PDE3A: variants seen among roughly 807,000 people sequenced by gnomAD.
The protein encoded by PDE3A is cGMP-inhibited 3',5'-cyclic phosphodiesterase 3A.
Under a neutral mutation model 98.3 loss-of-function variants are expected in PDE3A, and 43 were observed. That is an observed-to-expected ratio of 0.44 (90% CI 0.34 to 0.56). PDE3A has a LOEUF of 0.56. Ranked by LOEUF, PDE3A falls within the 20% of genes least tolerant of loss-of-function variation. The pLI is 0.01. For missense variants in PDE3A, 1,427 were observed against 1,440.7 expected (o/e 0.99, Z 0.15); for synonymous variants, 663 against 567.9 (o/e 1.17, Z -2.38).
chr12:20,614,945 GT>G (rs1261146946), intron 3 of PDE3A, among the ~76,000 whole-genome samples: 2 of 149,600 alleles, frequency 1.3e-5, no homozygotes, highest in African/African-American at 4.9e-5. Context: ...TGTTATGACT[GT>G]TGCTGAAGTT....
At chr12:20,508,040 G>A (rs996195215) in intron 1 of PDE3A, among the ~76,000 whole-genome samples, 4 of 152,126 alleles carry the variant, frequency 2.6e-5, no homozygotes, top group Admixed American at 6.6e-5. Flanking sequence ...AGGCTCTTTT[G>A]TCTTTGTCAT....
chr12:20,451,171 G>A (rs985568281), intron 1 of PDE3A, among the ~76,000 whole-genome samples: 1 of 152,140 alleles, frequency 6.6e-6, no homozygotes, highest in Admixed American at 6.5e-5. Context: ...TAAAGTGTCA[G>A]GTATTTTAAG....
intron 1 of PDE3A, among the ~76,000 whole-genome samples, chr12:20,432,641 G>C (rs1388688077): frequency 1.3e-5 from 2 of 152,080 alleles, no homozygotes; most frequent in African/African-American, 2.4e-5. Context: ...AAAAGAGGAA[G>C]AGCTTCAATT....
rs1942229041 is a variant in PDE3A at position 20,552,204 on chromosome 12, G to T, written c.961-4456G>T. ...ATGACCAAGAAGGGGCCGAGGCCAA[G>T]GACTGGCGGTCGGGGAAGCCGGTCA... On this transcript the variant is annotated intron_variant, in intron 1 of 15. Transcript: ENST00000359062. The surrounding 1 kb of genome is among the most constrained non-coding windows in gnomAD (Gnocchi z 5.1). 6.2e-7 allele frequency: 1 copy of T among 1,613,830 alleles called. No individual in the cohort carries two copies. Among genetic ancestry groups the T allele is most frequent in the Non-Finnish European group, 8.5e-7 (1 of 1,179,896 alleles).
At chr12:20,403,577 G>C (rs1211099470) in intron 1 of PDE3A, among the ~76,000 whole-genome samples, 1 of 152,072 alleles carries the variant, frequency 6.6e-6, no homozygotes, top group Admixed American at 6.6e-5. Flanking sequence ...ATTTACAATT[G>C]TATTATGAAT....
At chr12:20,557,732 A>AT (rs1347494421) in intron 2 of PDE3A, among the ~76,000 whole-genome samples, 1 of 152,164 alleles carries the variant, frequency 6.6e-6, no homozygotes, top group East Asian at 1.9e-4. Flanking sequence ...TTAATGACTG[A>AT]TTTTATTTCT....
intron 2 of PDE3A, among the ~76,000 whole-genome samples, chr12:20,560,564 G>A (rs1329758898): frequency 6.6e-6 from 1 of 152,206 alleles, no homozygotes; most frequent in African/African-American, 2.4e-5. Flanking sequence ...GATACCAGAA[G>A]AGTCTCTTGG....
chr12:20,421,960 T>C (rs1311354384), intron 1 of PDE3A, among the ~76,000 whole-genome samples: 1 of 152,196 alleles, frequency 6.6e-6, no homozygotes, highest in Admixed American at 6.5e-5. Flanking sequence ...GTTTTATGAA[T>C]ATAATAGTAT....
intron 1 of PDE3A, among the ~76,000 whole-genome samples, chr12:20,507,036 G>A (rs192527665): frequency 2.0e-5 from 3 of 152,112 alleles, no homozygotes; most frequent in African/African-American, 7.2e-5. Context: ...ATTAAATTTA[G>A]TTTTAAACTT....
chr12:20,572,195 T>G (rs948698913), intron 2 of PDE3A: 4 of 1,093,864 alleles, frequency 3.7e-6, no homozygotes, highest in Non-Finnish European at 4.9e-6. Flanking sequence ...TTTTGTTCTA[T>G]AATGATTTTC....
Position 20,370,061 on chromosome 12 carries a change from G to C in PDE3A, c.777G>C (p.Leu259Phe). Residue 259 changes from leucine to phenylalanine, a missense_variant, in exon 1 of 16, where the codon TTG (leucine) becomes TTC (phenylalanine). Physicochemically the swap from Leu to Phe is conservative, Grantham distance 22. Transcript: ENST00000359062. ...ILLARYVEQILPQSAEAAPRE... is the reference protein window; with the variant it reads ...ILLARYVEQIFPQSAEAAPRE... ...TGGCCAGGTACGTGGAACAAATCTT[G>C]CCGCAGTCCGCGGAGGCGGCTCCAA... The C allele has an allele frequency of 6.2e-7, 1 of 1,612,748 alleles. No homozygotes were observed. Among genetic ancestry groups the C allele is most frequent in the Admixed American group, 1.7e-5 (1 of 60,004 alleles).
At chr12:20,529,994 A>T (rs936636969) in intron 1 of PDE3A, among the ~76,000 whole-genome samples, 2 of 152,176 alleles carry the variant, frequency 1.3e-5, no homozygotes, top group African/African-American at 2.4e-5. Context: ...ACAAATTGTT[A>T]TGAGGACTAT....
At chr12:20,381,736 C>T (rs1379712229) in intron 1 of PDE3A, among the ~76,000 whole-genome samples, 2 of 151,828 alleles carry the variant, frequency 1.3e-5, no homozygotes, top group Admixed American at 1.3e-4. Flanking sequence ...ACTTTTACCT[C>T]TTATATGACC....
rs1945745871 is a variant in PDE3A, at chr12:20,680,360, G to A, written c.*89G>A. On this transcript the variant is annotated 3_prime_UTR_variant, in exon 16 of 16. Coordinates refer to ENST00000359062, the MANE Select transcript of PDE3A (RefSeq NM_000921.5). The stretch of plus-strand genomic sequence containing the variant: ...CACAACATTTAGACACAACACTGTA[G>A]AAATTTGAGATGGGCAAATGGCTAT... 1 of 1,326,090 alleles carries A rather than the reference G, an allele frequency of 7.5e-7. No individual in the cohort carries two copies. Among genetic ancestry groups the A allele is most frequent in the African/African-American group, 1.5e-5 (1 of 68,270 alleles). The allele number at this position is 1,326,090 out of a possible 1,614,324, so 82.1% of individuals were successfully genotyped here.
At chr12:20,531,584 C>A (rs765495650) in intron 1 of PDE3A, among the ~76,000 whole-genome samples, 2 of 151,864 alleles carry the variant, frequency 1.3e-5, no homozygotes, top group African/African-American at 2.4e-5. Flanking sequence ...CTGTCTTATA[C>A]GTTTCTGTGA....
chr12:20,609,069 A>G (rs115904695), intron 2 of PDE3A, among the ~76,000 whole-genome samples: 2,852 of 152,136 alleles, frequency 0.019, 90 homozygotes, highest in African/African-American at 0.065. Context: ...TTATTTCTAA[A>G]AGGGAATGTT....
intron 1 of PDE3A, among the ~76,000 whole-genome samples, chr12:20,527,563 G>C (rs1395283566): frequency 1.3e-5 from 2 of 152,010 alleles, no homozygotes; most frequent in Non-Finnish European, 2.9e-5. Flanking sequence ...TCCGCTGTCT[G>C]TTTGTTAGAG....
At chr12:20,499,580 C>A (rs1440721922) in intron 1 of PDE3A, among the ~76,000 whole-genome samples, 2 of 152,090 alleles carry the variant, frequency 1.3e-5, no homozygotes, top group African/African-American at 2.4e-5. Flanking sequence ...TTCTTATTAA[C>A]CTTGTTCAAG....
chr12:20,510,753 C>A (rs1371158924), intron 1 of PDE3A, among the ~76,000 whole-genome samples: 2 of 151,828 alleles, frequency 1.3e-5, no homozygotes, highest in African/African-American at 4.8e-5. Context: ...GGTAGGAGGG[C>A]CTGAAGTTGA....
Sources: gnomAD v4.1 joint callset for allele counts (sites outside exome capture counted in the v4.1 genomes callset) on GRCh38, gnomAD v4.1.1 for gene constraint, Gnocchi (gnomAD v3.1) non-coding constraint, MANE v1.5 for transcripts, NCBI Gene and HGNC (gene_info 2026-07-23, HGNC 2026-07-21) for gene names.